The following ACTR3C variants were observed in gnomAD, a reference collection of about 807,000 sequenced individuals.
The protein encoded by ACTR3C is actin related protein 3C.
Under a neutral mutation model 26.3 loss-of-function variants are expected in ACTR3C, and 18 were observed. That is an observed-to-expected ratio of 0.68 (90% CI 0.47 to 1.01). The LOEUF (loss-of-function observed/expected upper bound fraction) is 1.01, where lower values mean the gene tolerates loss of function less well. ACTR3C is among the 50% of genes least tolerant of loss of function. The probability of loss-of-function intolerance (pLI) is 0.00; values close to 1 mark genes in which losing one functional copy is unlikely to be tolerated. For missense variants in ACTR3C, 184 were observed against 250.7 expected (o/e 0.73, Z 1.80); for synonymous variants, 55 against 94.5 (o/e 0.58, Z 2.42).
chr7:149,937,858 C>T, the ACTR3C span, among the ~76,000 whole-genome samples: 33 of 152,164 alleles, frequency 2.2e-4, 1 homozygote, highest in Admixed American at 1.8e-3. Flanking sequence ...GGCAAAAACC[C>T]TCCTCCAGTA....
the ACTR3C span, among the ~76,000 whole-genome samples, chr7:150,038,766 G>C: frequency 6.9e-6 from 1 of 145,318 alleles, no homozygotes; most frequent in African/African-American, 2.6e-5. Context: ...AGCCAGGAGG[G>C]GAAGAGGGTC....
chr7:150,207,105 T>C, the ACTR3C span, among the ~76,000 whole-genome samples: 1 of 152,222 alleles, frequency 6.6e-6, no homozygotes, highest in South Asian at 2.1e-4. Context: ...ATTACAGTTA[T>C]CATGTGGGGA....
chr7:150,298,652 A>T (rs949205537), intron 1 of ACTR3C, among the ~76,000 whole-genome samples: 1 of 146,688 alleles, frequency 6.8e-6, no homozygotes, highest in African/African-American at 2.6e-5. Context: ...TGCTATTACT[A>T]AAATTATCAG....
the ACTR3C span, among the ~76,000 whole-genome samples, chr7:150,069,332 G>C: frequency 6.6e-6 from 1 of 152,224 alleles, no homozygotes; most frequent in Non-Finnish European, 1.5e-5. Flanking sequence ...TTGCTTTAGA[G>C]TCTGAGATGA....
At chr7:150,213,240 T>G in the ACTR3C span, among the ~76,000 whole-genome samples, 1 of 152,138 alleles carries the variant, frequency 6.6e-6, no homozygotes, top group South Asian at 2.1e-4. Context: ...CCATAGATGG[T>G]GGTTCTGAAG....
chr7:150,190,079 T>C, the ACTR3C span, among the ~76,000 whole-genome samples: 1 of 152,224 alleles, frequency 6.6e-6, no homozygotes, highest in African/African-American at 2.4e-5. Flanking sequence ...TGTTGTTTTG[T>C]TGTTGTTCTT....
the ACTR3C span, among the ~76,000 whole-genome samples, chr7:150,119,004 G>A: frequency 1.3e-5 from 2 of 151,228 alleles, no homozygotes; most frequent in Non-Finnish European, 2.9e-5. Context: ...GTAAGCAAAG[G>A]AGAAATAAAA....
the ACTR3C span, among the ~76,000 whole-genome samples, chr7:150,005,518 T>C: frequency 1.3e-5 from 2 of 151,932 alleles, no homozygotes; most frequent in Admixed American, 6.6e-5. Context: ...CCACATCACC[T>C]CCTTGCGTTA....
chr7:150,237,486 G>C, the ACTR3C span, among the ~76,000 whole-genome samples: 1 of 151,846 alleles, frequency 6.6e-6, no homozygotes, highest in Non-Finnish European at 1.5e-5. Context: ...GTCCCACCCT[G>C]TCTTTCTGAT....
At chr7:149,934,227 C>T in the ACTR3C span, among the ~76,000 whole-genome samples, 1 of 152,184 alleles carries the variant, frequency 6.6e-6, no homozygotes, top group African/African-American at 2.4e-5. Context: ...TTCCACTCGA[C>T]CCTAGCAATG....
At chr7:150,226,793 C>T in the ACTR3C span, among the ~76,000 whole-genome samples, 8 of 152,184 alleles carry the variant, frequency 5.3e-5, no homozygotes, top group African/African-American at 1.7e-4. Context: ...AGCAAATCTT[C>T]TTATGTTTAT....
the ACTR3C span, among the ~76,000 whole-genome samples, chr7:150,055,400 G>A: frequency 6.6e-6 from 1 of 151,934 alleles, no homozygotes; most frequent in African/African-American, 2.4e-5. Flanking sequence ...TCAGATAACA[G>A]CTTATACATT....
At chr7:149,903,572 C>A in the ACTR3C span, among the ~76,000 whole-genome samples, 1 of 151,632 alleles carries the variant, frequency 6.6e-6, no homozygotes, top group Non-Finnish European at 1.5e-5. Context: ...GACAAAGTCT[C>A]ACTATGTCAC....
At chr7:150,067,470 T>A in the ACTR3C span, among the ~76,000 whole-genome samples, 2 of 152,250 alleles carry the variant, frequency 1.3e-5, no homozygotes, top group African/African-American at 4.8e-5. Flanking sequence ...TAGTAACCCA[T>A]CCACAGCACA....
At chr7:150,230,692 A>C in the ACTR3C span, among the ~76,000 whole-genome samples, 1 of 152,184 alleles carries the variant, frequency 6.6e-6, no homozygotes, top group East Asian at 1.9e-4. Context: ...TGCAGGGAAA[A>C]ATTATCTTCC....
At chr7:150,088,988 C>T in the ACTR3C span, among the ~76,000 whole-genome samples, 1 of 152,194 alleles carries the variant, frequency 6.6e-6, no homozygotes, top group Non-Finnish European at 1.5e-5. Flanking sequence ...CTACCAGCAC[C>T]AACCACTGCT....
downstream of ACTR3C, among the ~76,000 whole-genome samples, chr7:150,242,381 G>C (rs539772762): frequency 6.6e-6 from 1 of 150,740 alleles, no homozygotes; most frequent in East Asian, 1.9e-4. Context: ...TGAGCATGGG[G>C]CAGGCCAGAC....
the ACTR3C span, among the ~76,000 whole-genome samples, chr7:149,930,063 A>G: frequency 6.6e-6 from 1 of 152,246 alleles, no homozygotes; most frequent in African/African-American, 2.4e-5. Context: ...CTGGCTGTCA[A>G]AAATGCCAAC....
the ACTR3C span, among the ~76,000 whole-genome samples, chr7:150,060,072 T>G: frequency 6.6e-6 from 1 of 152,238 alleles, no homozygotes; most frequent in Non-Finnish European, 1.5e-5. Flanking sequence ...AGAGGCAACA[T>G]GATTTGATGA....
Sources: gnomAD v4.1 joint callset for allele counts (sites outside exome capture counted in the v4.1 genomes callset) on GRCh38, gnomAD v4.1.1 for gene constraint, MANE v1.5 for transcripts, NCBI Gene and HGNC (gene_info 2026-07-23, HGNC 2026-07-21) for gene names.